CAV1: variants seen among roughly 807,000 people sequenced by gnomAD.
CAV1 encodes the protein caveolin-1.
CAV1 carries 10 observed loss-of-function variants against 16.5 expected under a neutral mutation model. The observed-to-expected ratio is 0.61, with a 90% CI of 0.37 to 1.03. The LOEUF (loss-of-function observed/expected upper bound fraction) is 1.03. CAV1 is among the 50% of genes least tolerant of loss of function. The pLI is 0.01. For missense variants in CAV1, 212 were observed against 232.8 expected, an observed-to-expected ratio of 0.91 and a Z score of 0.58; for synonymous variants, 76 against 85.1, an observed-to-expected ratio of 0.89 and a Z score of 0.59.
chr7:116,531,467 C>T lies in CAV1; in HGVS notation c.195+4778C>T, dbSNP rs571990231. On this transcript the variant is annotated intron_variant, in intron 2 of 2. Transcript: ENST00000341049. ...TTGGTTATAGTACAAAGGTTTAATG[C>T]CTCCGTGATCCCTTTCAACTTGAAA... 2.0e-5 allele frequency among the ~76,000 whole-genome samples: 3 copies of T among 152,282 alleles called. No individual in the cohort carries two copies. The East Asian group carries it at 5.8e-4, about 29-fold the overall frequency.
intron 2 of CAV1, among the ~76,000 whole-genome samples, chr7:116,541,859 C>T (rs932628425): frequency 6.6e-6 from 1 of 151,890 alleles, no homozygotes; most frequent in East Asian, 1.9e-4. Context: ...TTGTAATAGT[C>T]GTGTGTTAAA....
intron 2 of CAV1, among the ~76,000 whole-genome samples, chr7:116,534,395 A>AT (rs1159703159): frequency 1.5e-3 from 12 of 7,844 alleles, no homozygotes; most frequent in Admixed American, 2.3e-3. Flanking sequence ...ATATATATAT[A>AT]TTTTTTTTTT....
intron 2 of CAV1, among the ~76,000 whole-genome samples, chr7:116,553,150 T>TC (rs1372087502): frequency 1.3e-5 from 2 of 152,182 alleles, no homozygotes; most frequent in Non-Finnish European, 2.9e-5. Flanking sequence ...AAATAAAATG[T>TC]CCAGATTTTG....
At chr7:116,534,387 A>ATGTTTTTTTTTTTTTTTTTT (rs1196588254) in intron 2 of CAV1, among the ~76,000 whole-genome samples, 1 of 9,250 alleles carries the variant, frequency 1.1e-4, no homozygotes, top group African/African-American at 2.9e-4. Context: ...ATATATATAT[A>ATGTTTTTTTTTTTTTTTTTT]TATATATATT....
At chr7:116,537,009 C>CAAAAAA (rs753949130) in intron 2 of CAV1, among the ~76,000 whole-genome samples, 2 of 61,422 alleles carry the variant, frequency 3.3e-5, no homozygotes, top group African/African-American at 6.3e-5. Flanking sequence ...GACTCCGTCT[C>CAAAAAA]AAAAAAAAAA....
intron 2 of CAV1, among the ~76,000 whole-genome samples, chr7:116,537,369 G>A (rs1046649722): frequency 6.6e-6 from 1 of 151,976 alleles, no homozygotes; most frequent in African/African-American, 2.4e-5. Flanking sequence ...CAGGAGATGG[G>A]GTGCTTCTTC....
At chr7:116,525,700 A>G in intron 1 of CAV1, 4 of 1,079,652 alleles carry the variant, frequency 3.7e-6, no homozygotes, top group South Asian at 3.0e-5. Flanking sequence ...CACGCGCTGG[A>G]GCTCTGCCCG....
chr7:116,540,962 T>G (rs1355873833), intron 2 of CAV1, among the ~76,000 whole-genome samples: 1 of 152,056 alleles, frequency 6.6e-6, no homozygotes, highest in East Asian at 1.9e-4. Context: ...CCAGGTTGAG[T>G]CACTATTGTA....
At chr7:116,557,952 C>G (rs567890002) in intron 2 of CAV1, among the ~76,000 whole-genome samples, 1 of 152,246 alleles carries the variant, frequency 6.6e-6, no homozygotes, top group South Asian at 2.1e-4. Context: ...TTTCCAGCCT[C>G]GGTGACACAG....
At chr7:116,543,905 C>G (rs910849919) in intron 2 of CAV1, among the ~76,000 whole-genome samples, 1 of 152,154 alleles carries the variant, frequency 6.6e-6, no homozygotes, top group Non-Finnish European at 1.5e-5. Context: ...AACACTGTTA[C>G]TTAGAGTCAA....
intron 2 of CAV1, among the ~76,000 whole-genome samples, chr7:116,555,442 A>G (rs1339863065): frequency 1.5e-5 from 2 of 129,274 alleles, no homozygotes; most frequent in Non-Finnish European, 3.2e-5. Context: ...CTGTCTCCAA[A>G]AAAAGAAAGG....
intron 2 of CAV1, among the ~76,000 whole-genome samples, chr7:116,548,537 T>C: frequency 6.6e-6 from 1 of 152,218 alleles, no homozygotes; most frequent in East Asian, 1.9e-4. Flanking sequence ...AGAGAAGGCA[T>C]GTTTTACAGT....
At chr7:116,540,643 G>A (rs532200434) in intron 2 of CAV1, among the ~76,000 whole-genome samples, 17 of 152,082 alleles carry the variant, frequency 1.1e-4, no homozygotes, top group Non-Finnish European at 1.6e-4. Context: ...ACTTAAAAAT[G>A]ACACCAATTG....
intron 2 of CAV1, among the ~76,000 whole-genome samples, chr7:116,533,372 TAAAATAAAATAAAATAAAATAAAATAA>T (rs1793725721): frequency 1.1e-5 from 1 of 93,500 alleles, no homozygotes; most frequent in Non-Finnish European, 2.5e-5. Context: ...TAAAATAAAA[TAAAATAAAATAAAATAAAATAAAATAA>T]AATAAAATAA....
intron 2 of CAV1, among the ~76,000 whole-genome samples, chr7:116,541,034 G>A (rs757672542): frequency 2.0e-5 from 3 of 152,264 alleles, no homozygotes; most frequent in Non-Finnish European, 4.4e-5. Flanking sequence ...CTCAAACTAG[G>A]TCTGTCAATT....
At chr7:116,526,168 A>AGGTACTGCG (rs536443988) in intron 1 of CAV1, 1 of 543,148 alleles carries the variant, frequency 1.8e-6, no homozygotes, top group Non-Finnish European at 2.4e-6. Context: ...CTCGCCGCCG[A>AGGTACTGCG]GGTCCTGCGG....
At chr7:116,554,669 A>T (rs1216705386) in intron 2 of CAV1, among the ~76,000 whole-genome samples, 2 of 152,176 alleles carry the variant, frequency 1.3e-5, no homozygotes, top group East Asian at 3.8e-4. Context: ...TTGTGAGAAC[A>T]TACCATTCAG....
At chr7:116,534,347 C>G (rs1235072054) in intron 2 of CAV1, among the ~76,000 whole-genome samples, 4 of 118,628 alleles carry the variant, frequency 3.4e-5, no homozygotes, top group African/African-American at 1.1e-4. Context: ...AATACAGATG[C>G]CTGGGCCCAC....
At chr7:116,526,210 G>A in intron 1 of CAV1, 2 of 940,870 alleles carry the variant, frequency 2.1e-6, no homozygotes, top group South Asian at 8.4e-5. Context: ...GAGCCGGGGC[G>A]TGCGCGGGCG....
Sources: allele counts gnomAD v4.1 joint callset (sites outside exome capture counted in the v4.1 genomes callset), GRCh38; gene constraint gnomAD v4.1.1; transcripts MANE v1.5; gene names NCBI Gene and HGNC (gene_info 2026-07-23, HGNC 2026-07-21).